EHHADH: variants seen among roughly 807,000 people sequenced by gnomAD.
EHHADH encodes the protein peroxisomal bifunctional enzyme.
Under a neutral mutation model 64.4 loss-of-function variants are expected in EHHADH, and 48 were observed. That is an observed-to-expected ratio of 0.75 (90% CI 0.59 to 0.95). EHHADH has a LOEUF of 0.95. EHHADH is among the 40% of genes least tolerant of loss of function. The pLI, the probability that EHHADH is intolerant of heterozygous loss-of-function variation, is 0.00. For missense variants in EHHADH, 854 were observed against 876.6 expected, an observed-to-expected ratio of 0.97 and a Z score of 0.33; for synonymous variants, 308 against 326.7, an observed-to-expected ratio of 0.94 and a Z score of 0.62.
chr3:185,228,937 G>T (rs1189707306), intron 4 of EHHADH, among the ~76,000 whole-genome samples: 1 of 151,840 alleles, frequency 6.6e-6, no homozygotes, highest in African/African-American at 2.4e-5. Flanking sequence ...CCGAGTAGCT[G>T]GGATTACAGG....
At chr3:185,207,393 CTG>C (rs1200312147) in intron 5 of EHHADH, among the ~76,000 whole-genome samples, 1 of 151,964 alleles carries the variant, frequency 6.6e-6, no homozygotes, top group Admixed American at 6.6e-5. Flanking sequence ...TCTTTCCTGA[CTG>C]TGGTGAGGGG....
At chr3:185,241,202 G>A (rs539428896) in intron 2 of EHHADH, among the ~76,000 whole-genome samples, 294 of 152,224 alleles carry the variant, frequency 1.9e-3, no homozygotes, top group African/African-American at 6.5e-3. Context: ...TTATCCACTC[G>A]TTGATTGATG....
intron 5 of EHHADH, 100 bp from the exon 6 acceptor site, chr3:185,204,857 A>T: frequency 1.0e-6 from 1 of 963,174 alleles, no homozygotes; most frequent in South Asian, 1.7e-5. Flanking sequence ...TTCAAAGCAC[A>T]AACTAAAAGC....
At chr3:185,251,347 G>C (rs1719741012) in intron 1 of EHHADH, among the ~76,000 whole-genome samples, 1 of 152,136 alleles carries the variant, frequency 6.6e-6, no homozygotes, top group South Asian at 2.1e-4. Context: ...GTAAGGATAG[G>C]TTTTGTTTTA....
At chr3:185,238,473 T>A (rs563459669) in intron 2 of EHHADH, among the ~76,000 whole-genome samples, 38 of 152,326 alleles carry the variant, frequency 2.5e-4, no homozygotes, top group African/African-American at 9.1e-4. Flanking sequence ...GATATCTCAT[T>A]GCAGTTTTGA....
chr3:185,204,192 G>C (rs2108629339), intron 6 of EHHADH, among the ~76,000 whole-genome samples: 1 of 150,810 alleles, frequency 6.6e-6, no homozygotes, highest in Non-Finnish European at 1.5e-5. Context: ...GTCAGACCTA[G>C]GGTCAGACTT....
chr3:185,253,626 C>A (rs1454866540), intron 1 of EHHADH, among the ~76,000 whole-genome samples: 1 of 149,526 alleles, frequency 6.7e-6, no homozygotes, highest in African/African-American at 2.5e-5. Context: ...TGCAAGTAAG[C>A]AGGAGGGCTC....
At chr3:185,205,521 C>A (rs757601114) in intron 5 of EHHADH, among the ~76,000 whole-genome samples, 7 of 152,122 alleles carry the variant, frequency 4.6e-5, no homozygotes, top group Admixed American at 3.9e-4. Flanking sequence ...TAAACTCTTA[C>A]AATTATAGCC....
rs1481605553 is a variant in EHHADH at position 185,190,903 on chromosome 3, A to G, written c.*1323T>C. On this transcript the variant is annotated 3_prime_UTR_variant, in exon 7 of 7. Transcript: ENST00000231887. ...AATGAAGGATAACATCTTCAGCCCC[A>G]TTTATTTACTAACAACTTTATTGAG... The G allele has an allele frequency of 6.6e-6, 1 of 152,212 alleles. No homozygotes were observed. Among genetic ancestry groups the G allele is most frequent in the Non-Finnish European group, 1.5e-5 (1 of 68,040 alleles). 9.4% of individuals were successfully genotyped at this position (152,212 alleles called of 1,614,324 possible). A position where few individuals can be genotyped will look rare whatever the true frequency, so the allele number is the denominator to read the frequency against.
intron 5 of EHHADH, among the ~76,000 whole-genome samples, chr3:185,213,119 CAAAAAAAAAAAAAAAA>C (rs550233979): frequency 4.6e-5 from 2 of 43,038 alleles, no homozygotes; most frequent in African/African-American, 8.0e-5. Context: ...GACTCTGTCT[CAAAAAAAAAAAAAAAA>C]AAAAAAAAAA....
In EHHADH at chr3:185,206,041, A is replaced by G. The variant is rs569659403; in HGVS notation, c.569-1284T>C. Among the ~76,000 whole-genome samples, 4 of 152,116 alleles carry G rather than the reference A, an allele frequency of 2.6e-5. No homozygotes were observed. In the South Asian group the frequency reaches 8.3e-4, roughly 32 times the overall value. On this transcript the variant is annotated intron_variant, in intron 5 of 6. Coordinates refer to ENST00000231887, the MANE Select transcript of EHHADH (RefSeq NM_001966.4). ...CTGTGCACATAAATCCACACTCTCA[A>G]GTGTGGGCTACACTGCACGCTGACT...
chr3:185,193,409 T>G lies in EHHADH; in HGVS notation c.989A>C (p.Lys330Thr). 1 of 1,614,206 alleles carries G rather than the reference T, an allele frequency of 6.2e-7. No homozygotes were observed. Among genetic ancestry groups the G allele is most frequent in the Non-Finnish European group, 8.5e-7 (1 of 1,180,036 alleles). Residue 330 changes from lysine (K) to threonine (T), a missense_variant, in exon 7 of 7, where the codon AAA (lysine) becomes ACA (threonine). Physicochemically the swap from Lys to Thr is moderately conservative, Grantham distance 78. Transcript: ENST00000231887. Reference sequence around the variant, plus strand: ...CTTGTTTGCAGTTGCTAGCTGGTTTTTGTCCGAGTCTACAGCAATCACAGG... The same window carrying G: ...CTTGTTTGCAGTTGCTAGCTGGTTTGTGTCCGAGTCTACAGCAATCACAGG... ...RIPVIAVDSD[K>T]NQLATANKMI...
Position 185,192,752 on chromosome 3 carries a change from G to T in EHHADH, c.1646C>A (p.Pro549His). 1.2e-6 allele frequency: 2 copies of T among 1,613,912 alleles called. No individual in the cohort carries two copies. The highest frequency in any genetic ancestry group is 1.7e-6 in the Non-Finnish European group (2 of 1,179,972). Residue 549 changes from proline (P) to histidine (H), a missense_variant, in exon 7 of 7, where the codon CCT becomes CAT. By Grantham distance (77) the Pro-to-His change is moderately conservative. Coordinates refer to ENST00000231887, the MANE Select transcript of EHHADH (RefSeq NM_001966.4). Reference protein sequence around the residue: ...LTGPTLLPGTPARKRGNRRYC... With the variant: ...LTGPTLLPGTHARKRGNRRYC... ...CCTCCTATTACCCCTTTTTCGGGCA[G>T]GAGTTCCTGGAAGCAATGTAGGTCC... is the stretch of plus-strand genomic sequence containing the variant.
At chr3:185,215,067 C>T (rs1409687905) in intron 5 of EHHADH, among the ~76,000 whole-genome samples, 2 of 152,102 alleles carry the variant, frequency 1.3e-5, no homozygotes. Flanking sequence ...TTTGTTCCAT[C>T]TGTTCTGATC....
chr3:185,211,338 C>A (rs1226252076), intron 5 of EHHADH, among the ~76,000 whole-genome samples: 1 of 152,138 alleles, frequency 6.6e-6, no homozygotes, highest in African/African-American at 2.4e-5. Context: ...TAATTGAATT[C>A]TTTCCTTGAC....
At chr3:185,211,398 T>TA (rs1442955371) in intron 5 of EHHADH, among the ~76,000 whole-genome samples, 1 of 152,206 alleles carries the variant, frequency 6.6e-6, no homozygotes, top group African/African-American at 2.4e-5. Context: ...ACATTTTTGA[T>TA]AAAAAAGATA....
chr3:185,204,619 G>A lies in EHHADH; in HGVS notation c.707C>T (p.Ala236Val), dbSNP rs769215989. Residue 236 changes from alanine to valine, a missense_variant, in exon 6 of 7, where the codon GCA (alanine) becomes GTA (valine). Ala to Val is a moderately conservative substitution (Grantham distance 64). Coordinates refer to ENST00000231887, the MANE Select transcript of EHHADH (RefSeq NM_001966.4). ...GCLAQEACVR[A>V]VQAAVQYPYE... Reference sequence around the variant, plus strand: ...GGGATACTGCACAGCAGCCTGGACTGCACGGACACAAGCCTCCTGTGCAAG... The same window carrying A: ...GGGATACTGCACAGCAGCCTGGACTACACGGACACAAGCCTCCTGTGCAAG... The A allele has an allele frequency of 6.8e-6, 11 of 1,614,134 alleles. No individual in the cohort carries two copies. The highest frequency in any genetic ancestry group is 3.4e-6 in the Non-Finnish European group (4 of 1,180,040).
intron 6 of EHHADH, among the ~76,000 whole-genome samples, chr3:185,198,984 G>A (rs558520799): frequency 5.1e-4 from 77 of 152,072 alleles, no homozygotes; most frequent in East Asian, 9.6e-4. Flanking sequence ...CTGATTTAGC[G>A]GTGGAAAGAG....
chr3:185,244,475 C>T (rs1207080800), intron 2 of EHHADH, among the ~76,000 whole-genome samples: 1 of 152,132 alleles, frequency 6.6e-6, no homozygotes, highest in Admixed American at 6.6e-5. Flanking sequence ...CTTTTCCATA[C>T]TGTCCTTGTC....
Sources: gnomAD v4.1 joint callset for allele counts (sites outside exome capture counted in the v4.1 genomes callset) on GRCh38, gnomAD v4.1.1 for gene constraint, MANE v1.5 for transcripts, NCBI Gene and HGNC (gene_info 2026-07-23, HGNC 2026-07-21) for gene names.